Variants in C5orf34 observed in about 807,000 individuals in gnomAD.
C5orf34 encodes the protein uncharacterized protein C5orf34.
C5orf34 carries 73 observed loss-of-function variants against 78.4 expected under a neutral mutation model. The observed-to-expected ratio is 0.93, with a 90% CI of 0.77 to 1.13. C5orf34 has a LOEUF of 1.13. Ranked by LOEUF, C5orf34 falls within the 50% of genes most tolerant of loss-of-function variation. C5orf34 has a pLI of 0.00. For synonymous variants in C5orf34, 251 were observed against 246.6 expected, an observed-to-expected ratio of 1.02 and a Z score of -0.17; for missense variants, 730 against 732.7, an observed-to-expected ratio of 1.00 and a Z score of 0.04.
At chr5:43,508,459 T>G in intron 3 of C5orf34, 118 bp downstream of exon 3, 1 of 621,818 alleles carries the variant, frequency 1.6e-6, no homozygotes, top group Non-Finnish European at 2.9e-6. Context: ...ACTTTGATGT[T>G]TTATAGCAAT....
chr5:43,513,090 CT>C (rs545466937), intron 1 of C5orf34, among the ~76,000 whole-genome samples: 3 of 152,052 alleles, frequency 2.0e-5, no homozygotes, highest in East Asian at 1.9e-4. Context: ...CCCACCTTGT[CT>C]TTTTTTAACC....
intron 6 of C5orf34, chr5:43,496,017 G>A: frequency 1.3e-6 from 2 of 1,591,342 alleles, no homozygotes; most frequent in South Asian, 1.1e-5. Flanking sequence ...CCAACAATTA[G>A]TTGTTTCACA....
chr5:43,502,673 A>T (rs1201874167), intron 5 of C5orf34, among the ~76,000 whole-genome samples, 178 bp from the exon 6 acceptor site: 2 of 152,242 alleles, frequency 1.3e-5, no homozygotes, highest in African/African-American at 4.8e-5. Flanking sequence ...TAACTCTTTC[A>T]CGAAAAGATA....
intron 6 of C5orf34, chr5:43,495,012 G>C (rs1311383164): frequency 1.4e-5 from 18 of 1,321,324 alleles, no homozygotes; most frequent in Non-Finnish European, 1.9e-5. Context: ...GAAACAAACA[G>C]TTCTGAGACC....
chr5:43,498,106 G>GT (rs1469222806), intron 6 of C5orf34, among the ~76,000 whole-genome samples: 1 of 152,166 alleles, frequency 6.6e-6, no homozygotes, highest in African/African-American at 2.4e-5. Flanking sequence ...CAATTTAATA[G>GT]TTTTTTACTT....
At chr5:43,504,044 G>A (rs1745876979) in intron 4 of C5orf34, among the ~76,000 whole-genome samples, 1 of 152,118 alleles carries the variant, frequency 6.6e-6, no homozygotes, top group Non-Finnish European at 1.5e-5. Context: ...TAGGCATGGT[G>A]GCTCATGCCT....
intron 6 of C5orf34, 36 bp downstream of exon 6, chr5:43,502,336 A>C (rs781231269): frequency 5.0e-6 from 8 of 1,607,546 alleles, no homozygotes; most frequent in Admixed American, 1.7e-5. Flanking sequence ...GCTATACAGC[A>C]AAACTCTTCT....
At position 43,492,255 on chromosome 5, in the gene C5orf34, C is replaced by T. The variant is rs534531813; in HGVS notation, c.1540G>A (p.Glu514Lys). The T allele has an allele frequency of 2.9e-5, 47 of 1,612,346 alleles. No homozygotes were observed. In the East Asian group the frequency reaches 9.4e-4, roughly 32 times the overall value. Residue 514 changes from glutamate to lysine, a missense_variant, in exon 10 of 13, where the codon GAG becomes AAG. Transcript: ENST00000306862. ...GGGTGTTCAATCTGAATTAACTGCT[C>T]TTGTCCATCAGGAAAAGTTAACTTA... ...WCKLTFPDGQ[E>K]QLIQIEHPEP...
Position 43,487,037 on chromosome 5 carries a change from TA to T in C5orf34, c.1794del (p.Tyr598Ter). 3 of 1,591,104 alleles carry T rather than the reference TA, an allele frequency of 1.9e-6. No individual in the cohort carries two copies. Among genetic ancestry groups the T allele is most frequent in the Non-Finnish European group, 2.6e-6 (3 of 1,168,748 alleles). ...AGCAAGGTTTCTGAAGATCCTGGTT[TA>T]TAATGATCAAAAGACTGTTGTTCAT... ...KKNEQQSFDH[Y>X]KPGSSETLLG... On this transcript the variant is annotated frameshift_variant, in exon 13 of 13. Coordinates refer to ENST00000306862, the MANE Select transcript of C5orf34 (RefSeq NM_198566.4). LOFTEE classifies it high-confidence loss of function.
In C5orf34 at chr5:43,503,720, C is replaced by T. The variant is rs181001517; in HGVS notation, c.973G>A (p.Glu325Lys). Residue 325 changes from glutamate (E) to lysine (K), a missense_variant, in exon 5 of 13, where the codon GAA becomes AAA. Transcript: ENST00000306862. ...TTCACTAGTTCAGGATAGGAATATTCATCAGATTGTCTCTGTAAAAGTGAA... is the reference window on the plus strand; with the variant it reads ...TTCACTAGTTCAGGATAGGAATATTTATCAGATTGTCTCTGTAAAAGTGAA... ...CDSLLQRQSD[E>K]YSYPELVKMV... 1.2e-6 allele frequency: 2 copies of T among 1,613,788 alleles called. No homozygotes were observed. The highest frequency in any genetic ancestry group is 2.7e-5 in the African/African-American group (2 of 75,028).
intron 8 of C5orf34, 78 bp from the exon 9 acceptor site, chr5:43,492,968 G>T: frequency 1.1e-6 from 1 of 931,648 alleles, no homozygotes; most frequent in Non-Finnish European, 1.6e-6. Context: ...ATGACTCTAG[G>T]GCAATTTTGG....
intron 4 of C5orf34, among the ~76,000 whole-genome samples, chr5:43,504,284 G>A (rs992116812): frequency 1.3e-4 from 19 of 147,020 alleles, no homozygotes; most frequent in Middle Eastern, 3.4e-3. Context: ...GTGACAGAGC[G>A]AGAATCCATC....
chr5:43,510,722 CAG>C (rs1746199018), intron 1 of C5orf34, among the ~76,000 whole-genome samples: 1 of 151,530 alleles, frequency 6.6e-6, no homozygotes, highest in East Asian at 1.9e-4. Context: ...GGATTGCAGA[CAG>C]AGTCTCATTC....
chr5:43,494,720 A>G (rs1295594893), intron 6 of C5orf34, 119 bp from the exon 7 acceptor site: 2 of 530,496 alleles, frequency 3.8e-6, no homozygotes, highest in Admixed American at 6.9e-5. Context: ...TATTTTAACA[A>G]AATAAAGCCC....
chr5:43,508,550 T>G, intron 3 of C5orf34, 27 bp downstream of exon 3: 2 of 1,325,006 alleles, frequency 1.5e-6, no homozygotes, highest in Non-Finnish European at 2.2e-6. Context: ...CAAATAATAC[T>G]AACAAAAATG....
In C5orf34 at chr5:43,506,331, ATATCATGGTACCATCTG is replaced by A. The variant is rs867731654; in HGVS notation, c.332_348del (p.Thr111IlefsTer26). 6.2e-7 allele frequency: 1 copy of A among 1,613,960 alleles called. No homozygotes were observed. The highest frequency in any genetic ancestry group is 1.7e-5 in the Admixed American group (1 of 60,008). ...ATCTTCACAATGCCACTCTCCATAT[ATATCATGGTACCATCTG>A]TATCAAGACTGGGCCATCTCACTTC... On this transcript the variant is annotated frameshift_variant, in exon 4 of 13. Transcript: ENST00000306862. LOFTEE classifies it high-confidence loss of function.
rs1272936095 is a variant in C5orf34 at position 43,486,986 on chromosome 5, A to C, written c.1846T>G (p.Ser616Ala). ...TCAGAGGTTTTTTTCAATGCTATTGATACTCTATTTTCATTAACTTCTCCT... is the reference window on the plus strand; with the variant it reads ...TCAGAGGTTTTTTTCAATGCTATTGCTACTCTATTTTCATTAACTTCTCCT... ...LLGEVNENRV[S>A]IALKKTSEIL... is the part of the protein sequence containing the mutation. Residue 616 changes from serine (S) to alanine (A), a missense_variant, in exon 13 of 13, where the codon TCA becomes GCA. Physicochemically the swap from Ser to Ala is moderately conservative, Grantham distance 99. Coordinates refer to ENST00000306862, the MANE Select transcript of C5orf34 (RefSeq NM_198566.4). 1.3e-6 allele frequency: 2 copies of C among 1,589,706 alleles called. No homozygotes were observed. Among genetic ancestry groups the C allele is most frequent in the Non-Finnish European group, 1.7e-6 (2 of 1,168,194 alleles).
At chr5:43,491,156 A>G (rs1243774676) in intron 10 of C5orf34, among the ~76,000 whole-genome samples, 1 of 152,210 alleles carries the variant, frequency 6.6e-6, no homozygotes, top group Non-Finnish European at 1.5e-5. Context: ...GCATATACAC[A>G]TATGCTTGTA....
chr5:43,513,105 C>T (rs1746345289), intron 1 of C5orf34, among the ~76,000 whole-genome samples: 1 of 152,046 alleles, frequency 6.6e-6, no homozygotes, highest in African/African-American at 2.4e-5. Context: ...TTTAACCTTA[C>T]CCCCTTTAAT....
Sources: allele counts gnomAD v4.1 joint callset (sites outside exome capture counted in the v4.1 genomes callset), GRCh38; gene constraint gnomAD v4.1.1; transcripts MANE v1.5; gene names NCBI Gene and HGNC (gene_info 2026-07-23, HGNC 2026-07-21).